The following ZSWIM4 variants were observed in gnomAD, a reference collection of about 807,000 sequenced individuals.
ZSWIM4 encodes zinc finger SWIM-type containing 4, also known as zinc finger SWIM domain-containing protein 4.
A neutral mutation model predicts 102.5 loss-of-function variants in ZSWIM4; 62 were observed. The ratio of observed to expected loss-of-function variants is 0.60; its 90% CI spans 0.49 to 0.75. ZSWIM4 has a LOEUF of 0.75. Among genes scored for constraint, ZSWIM4 ranks in the 30% least tolerant of loss-of-function variants. ZSWIM4 has a pLI of 0.00. For missense variants in ZSWIM4, 1,280 were observed against 1,529.6 expected, an observed-to-expected ratio of 0.84 and a Z score of 2.72; for synonymous variants, 652 against 674.5, an observed-to-expected ratio of 0.97 and a Z score of 0.52.
At chr19:13,802,033 T>C (rs945502929) in intron 2 of ZSWIM4, among the ~76,000 whole-genome samples, 7 of 146,506 alleles carry the variant, frequency 4.8e-5, no homozygotes, top group Admixed American at 4.2e-4. Context: ...TGGAGTGCAG[T>C]GGCACAATCT....
chr19:13,812,408 C>T (rs1207553081), intron 5 of ZSWIM4, among the ~76,000 whole-genome samples: 1 of 151,514 alleles, frequency 6.6e-6, no homozygotes, highest in Non-Finnish European at 1.5e-5. Flanking sequence ...ATTCTTGTGC[C>T]TCAGCCTCCC....
chr19:13,821,422 T>C (rs1449395082), intron 10 of ZSWIM4, among the ~76,000 whole-genome samples: 1 of 152,064 alleles, frequency 6.6e-6, no homozygotes, highest in Non-Finnish European at 1.5e-5. Flanking sequence ...TGGTCCTAGC[T>C]ACTTGGGAGG....
chr19:13,821,438 G>C (rs1027193939), intron 10 of ZSWIM4, among the ~76,000 whole-genome samples: 1 of 152,130 alleles, frequency 6.6e-6, no homozygotes, highest in East Asian at 1.9e-4. Context: ...GGAGGCTGAG[G>C]AGGGAGGATT....
Position 13,804,817 on chromosome 19 carries a change from C to G in ZSWIM4, c.381C>G (p.Arg127=), listed in dbSNP as rs767610124. The change falls in exon 3 of 14, where the codon CGC becomes CGG. Residue 127 remains arginine, a synonymous_variant. Transcript: ENST00000590508. ...QVGFHLSGNI[R]EPGSPGEPER... Reference sequence around the variant, plus strand: ...GATTCCACCTGAGCGGAAACATCCGCGAGCCAGGGAGTCCTGGAGAGCCCG... The same window carrying G: ...GATTCCACCTGAGCGGAAACATCCGGGAGCCAGGGAGTCCTGGAGAGCCCG... 4.0e-5 allele frequency: 63 copies of G among 1,594,806 alleles called. No individual in the cohort carries two copies. The highest frequency in any genetic ancestry group is 6.8e-5 in the Admixed American group (4 of 58,888).
rs763878292 is a variant in ZSWIM4, at chr19:13,830,400, G to T, written c.2671G>T (p.Ala891Ser). The change falls in exon 14 of 14, where the codon GCC (alanine) becomes TCC (serine). Residue 891 changes from alanine (A) to serine (S), a missense_variant. Coordinates refer to ENST00000590508, the MANE Select transcript of ZSWIM4 (RefSeq NM_001367834.3). ...GGACCCTCAGAACTGCGCCTTGCCT[G>T]CCCTGACCCTGTGCGAGAAGAACCA... ...MKDPQNCALP[A>S]LTLCEKNHSA... 3 of 1,612,116 alleles carry T rather than the reference G, an allele frequency of 1.9e-6. No individual in the cohort carries two copies. The East Asian group carries it at 6.7e-5, about 36-fold the overall frequency.
rs114674933 is a variant in ZSWIM4, at chr19:13,819,254, A to T, written c.1925-103A>T. On this transcript the variant is annotated intron_variant, in intron 9 of 13. Transcript: ENST00000590508. ...CCATCTAGCCACAGCCACTCTACCC[A>T]GGGGCCAGCCCACCCTCTACTTAAA... 2.0e-3 allele frequency: 3,080 copies of T among 1,506,762 alleles called. 39 individuals carry two copies. In the African/African-American group the frequency reaches 0.037, roughly 18 times the overall value. The allele number at this position is 1,506,762 out of a possible 1,614,324, so 93.3% of individuals were successfully genotyped here.
intron 12 of ZSWIM4, among the ~76,000 whole-genome samples, chr19:13,826,384 C>A (rs1444104909): frequency 2.6e-5 from 4 of 151,962 alleles, no homozygotes; most frequent in African/African-American, 4.8e-5. Flanking sequence ...GGATTGCCGC[C>A]TAAGGAGAGG....
chr19:13,808,441 G>T (rs1461728950), intron 3 of ZSWIM4, among the ~76,000 whole-genome samples: 1 of 151,964 alleles, frequency 6.6e-6, no homozygotes, highest in Non-Finnish European at 1.5e-5. Flanking sequence ...TGACTTGGAA[G>T]AATGGATGGA....
intron 1 of ZSWIM4, among the ~76,000 whole-genome samples, chr19:13,796,332 G>A (rs934234750): frequency 9.9e-5 from 15 of 151,880 alleles, no homozygotes; most frequent in African/African-American, 3.4e-4. Flanking sequence ...CTCCATCGTA[G>A]CCTCTAGAGA....
chr19:13,817,244 C>T lies in ZSWIM4; in HGVS notation c.1560C>T (p.Ile520=). 6.2e-7 allele frequency: 1 copy of T among 1,613,810 alleles called. No homozygotes were observed. The highest frequency in any genetic ancestry group is 2.2e-5 in the East Asian group (1 of 44,874). The change falls in exon 8 of 14, where the codon ATC becomes ATT. Residue 520 remains isoleucine (I), a synonymous_variant. Coordinates refer to ENST00000590508, the MANE Select transcript of ZSWIM4 (RefSeq NM_001367834.3). Reference sequence around the variant, plus strand: ...TGCTCCAGAAGGGCTCCACCTGCATCACCAACACCGAAGGATGGGTGGGGC... The same window carrying T: ...TGCTCCAGAAGGGCTCCACCTGCATTACCAACACCGAAGGATGGGTGGGGC... ...KELLQKGSTC[I]TNTEGWVGHP... is the part of the protein sequence containing the mutation.
intron 2 of ZSWIM4, among the ~76,000 whole-genome samples, chr19:13,800,216 C>T (rs1423778236): frequency 7.1e-6 from 1 of 141,266 alleles, no homozygotes. Context: ...AGGCGCCCGC[C>T]ACCGCGCCCA....
chr19:13,817,816 A>G lies in ZSWIM4; in HGVS notation c.1764A>G (p.Ala588=). 6.3e-7 allele frequency: 1 copy of G among 1,581,446 alleles called. No individual in the cohort carries two copies. ...ACTTGGTGCTGGCGCTGGAGGTGGCACTGCTGGGGCTGGGGCAGCAGCGGG... is the reference window on the plus strand; with the variant it reads ...ACTTGGTGCTGGCGCTGGAGGTGGCGCTGCTGGGGCTGGGGCAGCAGCGGG... ...ESYLVLALEV[A]LLGLGQQRAL... is the part of the protein sequence containing the mutation. The change falls in exon 9 of 14, where the codon GCA becomes GCG. Residue 588 remains alanine (A), a synonymous_variant. Coordinates refer to ENST00000590508, the MANE Select transcript of ZSWIM4 (RefSeq NM_001367834.3).
intron 10 of ZSWIM4, among the ~76,000 whole-genome samples, chr19:13,819,815 G>C (rs142281788): frequency 6.7e-6 from 1 of 148,604 alleles, no homozygotes; most frequent in Non-Finnish European, 1.5e-5. Flanking sequence ...TTACAGGCAT[G>C]CACCACCATG....
Position 13,814,667 on chromosome 19 carries a change from G to T in ZSWIM4, c.1333G>T (p.Gly445Cys). The T allele has an allele frequency of 7.8e-7, 1 of 1,279,992 alleles. No individual in the cohort carries two copies. The highest frequency in any genetic ancestry group is 1.0e-6 in the Non-Finnish European group (1 of 982,464). The allele number at this position is 1,279,992 out of a possible 1,614,324, so 79.3% of individuals were successfully genotyped here. A position where few individuals can be genotyped will look rare whatever the true frequency, so the allele number is the denominator to read the frequency against. Residue 445 changes from glycine to cysteine, a missense_variant, in exon 7 of 14, where the codon GGT (glycine) becomes TGT (cysteine). Coordinates refer to ENST00000590508, the MANE Select transcript of ZSWIM4 (RefSeq NM_001367834.3). ...CGGGCCCAGCCTCACAGGCAGCGTG[G>T]GTGGGGACAAACCGACTTTCGACCC... is the stretch of plus-strand genomic sequence containing the variant. ...SYGPSLTGSV[G>C]GDKPTFDPQG...
intron 3 of ZSWIM4, among the ~76,000 whole-genome samples, chr19:13,805,407 G>A (rs763305856): frequency 7.1e-4 from 108 of 151,956 alleles, no homozygotes; most frequent in Admixed American, 1.9e-3. Flanking sequence ...CTGCGTTAGA[G>A]GGCAAGTGGG....
At position 13,804,811 on chromosome 19, in the gene ZSWIM4, C is replaced by T; in HGVS notation, c.375C>T (p.Asn125=). 6.3e-7 allele frequency: 1 copy of T among 1,591,864 alleles called. No individual in the cohort carries two copies. Among genetic ancestry groups the T allele is most frequent in the Non-Finnish European group, 8.6e-7 (1 of 1,166,468 alleles). The change falls in exon 3 of 14, where the codon AAC becomes AAT. Residue 125 remains asparagine (N), a synonymous_variant. Transcript: ENST00000590508. The part of the protein sequence containing the change: ...VLQVGFHLSG[N]IREPGSPGEP... ...TCCTAGGATTCCACCTGAGCGGAAA[C>T]ATCCGCGAGCCAGGGAGTCCTGGAG...
In ZSWIM4 at chr19:13,809,012, G is replaced by T. The variant is rs563723303; in HGVS notation, c.861+28G>T. On this transcript the variant is annotated intron_variant, in intron 4 of 13. Coordinates refer to ENST00000590508, the MANE Select transcript of ZSWIM4 (RefSeq NM_001367834.3). This position sits in a 1 kb window ranked among gnomAD's most constrained non-coding sequence, Gnocchi z 4.2. ...GCCGTGCGGGCCGGCGGGGCGCGGG[G>T]TGCAGAAGGCCCCGGCGGACGCCCC... 4.7e-5 allele frequency: 76 copies of T among 1,608,214 alleles called. No homozygotes were observed. The African/African-American group carries it at 8.7e-4, about 18-fold the overall frequency.
chr19:13,812,038 G>A (rs888351766), intron 5 of ZSWIM4, among the ~76,000 whole-genome samples: 2 of 152,018 alleles, frequency 1.3e-5, no homozygotes, highest in Non-Finnish European at 2.9e-5. Flanking sequence ...TTGCGCCACT[G>A]CACTCCAGCC....
chr19:13,809,991 CTT>C lies in ZSWIM4; in HGVS notation c.1012+783_1012+784del, dbSNP rs368996612. ...TTGTTTGTTTGTTTTCTTTTCTTTT[CTT>C]TTTTTTTTTTTGAGAAGGAGTCTCG... is the stretch of plus-strand genomic sequence containing the variant. On this transcript the variant is annotated intron_variant, in intron 5 of 13. Transcript: ENST00000590508. The surrounding 1 kb of genome is among the most constrained non-coding windows in gnomAD (Gnocchi z 4.2). 1.4e-5 allele frequency among the ~76,000 whole-genome samples: 2 copies of C among 142,712 alleles called. No individual in the cohort carries two copies. Among genetic ancestry groups the C allele is most frequent in the Non-Finnish European group, 1.5e-5 (1 of 65,200 alleles). 93.6% of individuals were successfully genotyped at this position (142,712 alleles called of 152,430 possible). A position where few individuals can be genotyped will look rare whatever the true frequency, so the allele number is the denominator to read the frequency against.
Sources: allele counts gnomAD v4.1 joint callset (sites outside exome capture counted in the v4.1 genomes callset), GRCh38; gene constraint gnomAD v4.1.1; non-coding constraint Gnocchi (gnomAD v3.1); transcripts MANE v1.5; gene names NCBI Gene and HGNC (gene_info 2026-07-23, HGNC 2026-07-21).